Variants in PTPN21 observed in about 807,000 individuals in gnomAD.
PTPN21 encodes tyrosine-protein phosphatase non-receptor type 21.
Under a neutral mutation model 131.8 loss-of-function variants are expected in PTPN21, and 77 were observed. The observed-to-expected ratio is 0.58, with a 90% confidence interval of 0.49 to 0.71. PTPN21 has a LOEUF of 0.71. Among genes scored for constraint, PTPN21 ranks in the 30% least tolerant of loss-of-function variants. The pLI, the probability that PTPN21 is intolerant of heterozygous loss-of-function variation, is 0.00. For missense variants in PTPN21, 1,552 were observed against 1,527.1 expected, an observed-to-expected ratio of 1.02 and a Z score of -0.27; for synonymous variants, 715 against 621.3, an observed-to-expected ratio of 1.15 and a Z score of -2.24.
intron 13 of PTPN21, among the ~76,000 whole-genome samples, chr14:88,477,267 T>A (rs936958790): frequency 2.6e-5 from 4 of 151,840 alleles, no homozygotes; most frequent in African/African-American, 7.2e-5. Flanking sequence ...CCAAAACTTA[T>A]TAAAAGAAAG....
Position 88,549,395 on chromosome 14 carries a change from G to A in PTPN21, c.180+843C>T, listed in dbSNP as rs116414821. ...ACATTTGATTCTGGATTACCTTAGA[G>A]GGGGAATATAAACATATTCAAAATA... On this transcript the variant is annotated intron_variant, in intron 2 of 18. Coordinates refer to ENST00000556564, the MANE Select transcript of PTPN21 (RefSeq NM_007039.4). Among the ~76,000 whole-genome samples the A allele has an allele frequency of 5.3e-3, 801 of 152,234 alleles. 5 individuals are homozygous for A. The highest frequency in any genetic ancestry group is 0.019 in the African/African-American group (778 of 41,526).
chr14:88,510,026 A>T (rs1045740646), intron 3 of PTPN21, among the ~76,000 whole-genome samples: 2 of 152,168 alleles, frequency 1.3e-5, no homozygotes, highest in East Asian at 1.9e-4. Flanking sequence ...TCACAGAGAG[A>T]GTCTGTCTCA....
At chr14:88,491,797 T>C (rs1036165393) in intron 10 of PTPN21, among the ~76,000 whole-genome samples, 3 of 152,162 alleles carry the variant, frequency 2.0e-5, no homozygotes, top group African/African-American at 7.2e-5. Flanking sequence ...GAAAGCAAAC[T>C]TTGGAAAACA....
chr14:88,481,646 C>T (rs1450556831), intron 12 of PTPN21, among the ~76,000 whole-genome samples: 1 of 152,130 alleles, frequency 6.6e-6, no homozygotes, highest in African/African-American at 2.4e-5. Context: ...TGAAGGGTTA[C>T]AGGAGTCCAG....
intron 2 of PTPN21, among the ~76,000 whole-genome samples, chr14:88,532,996 T>C (rs546013704): frequency 6.6e-6 from 1 of 152,366 alleles, no homozygotes; most frequent in East Asian, 1.9e-4. Context: ...CCAAATAGTT[T>C]GGACAAAGGA....
chr14:88,544,431 A>G (rs994219560), intron 2 of PTPN21, among the ~76,000 whole-genome samples: 10 of 152,170 alleles, frequency 6.6e-5, no homozygotes, highest in African/African-American at 1.7e-4. Flanking sequence ...TAATAACAAT[A>G]ACATAACATC....
intron 12 of PTPN21, 72 bp from the exon 13 acceptor site, chr14:88,480,424 C>T: frequency 1.7e-6 from 2 of 1,185,762 alleles, no homozygotes; most frequent in Non-Finnish European, 2.4e-6. Context: ...TGAGATCGGC[C>T]CTTACCTCTG....
intron 3 of PTPN21, among the ~76,000 whole-genome samples, chr14:88,512,990 T>C (rs2078208810): frequency 6.6e-6 from 1 of 152,192 alleles, no homozygotes; most frequent in Non-Finnish European, 1.5e-5. Context: ...CTGATGATTG[T>C]TACCTCTTTA....
chr14:88,469,493 A>T lies in PTPN21; in HGVS notation c.3235+6T>A. Reference sequence around the variant, plus strand: ...CTGTCCTCGGAACAAAGTTAAAGTCACTCACATAAAAATCCCTTGAGGTCT... The same window carrying T: ...CTGTCCTCGGAACAAAGTTAAAGTCTCTCACATAAAAATCCCTTGAGGTCT... On this transcript the variant is annotated splice_donor_region_variant and intron_variant, in intron 17 of 18. Coordinates refer to ENST00000556564, the MANE Select transcript of PTPN21 (RefSeq NM_007039.4). This position sits in a 1 kb window ranked among gnomAD's most constrained non-coding sequence, Gnocchi z 4.3. The T allele has an allele frequency of 1.9e-6, 3 of 1,601,914 alleles. No homozygotes were observed. The highest frequency in any genetic ancestry group is 2.6e-6 in the Non-Finnish European group (3 of 1,168,974).
chr14:88,505,616 TATG>T (rs1314446130), intron 4 of PTPN21, among the ~76,000 whole-genome samples: 5 of 152,210 alleles, frequency 3.3e-5, no homozygotes, highest in African/African-American at 9.6e-5. Context: ...CTCTATGTAA[TATG>T]ATCTCATTTT....
intron 8 of PTPN21, among the ~76,000 whole-genome samples, chr14:88,498,290 C>T (rs1011620802): frequency 6.9e-6 from 1 of 145,944 alleles, no homozygotes; most frequent in South Asian, 2.1e-4. Context: ...AAAACCAAAA[C>T]AGAAAAAAGA....
intron 10 of PTPN21, among the ~76,000 whole-genome samples, chr14:88,489,152 T>A (rs887554298): frequency 2.0e-5 from 3 of 152,168 alleles, no homozygotes; most frequent in African/African-American, 7.2e-5. Context: ...AGGCAAGATG[T>A]GGTATCCCTG....
At chr14:88,530,343 C>T (rs1382365718) in intron 2 of PTPN21, among the ~76,000 whole-genome samples, 1 of 152,120 alleles carries the variant, frequency 6.6e-6, no homozygotes, top group Non-Finnish European at 1.5e-5. Context: ...ATAAATCTCA[C>T]AGGGCCTATA....
In PTPN21 at chr14:88,493,419, G is replaced by A. The variant is rs1281916429; in HGVS notation, c.932+2994C>T. Among the ~76,000 whole-genome samples the A allele has an allele frequency of 3.3e-5, 5 of 152,160 alleles. No individual in the cohort carries two copies. In the East Asian group the frequency reaches 9.6e-4, roughly 29 times the overall value. On this transcript the variant is annotated intron_variant, in intron 10 of 18. Transcript: ENST00000556564. ...GCATTTTAGCAAAGGCCTGGGCTGGGGGCATTCACATGATAAGGAAAGATG... is the reference window on the plus strand; with the variant it reads ...GCATTTTAGCAAAGGCCTGGGCTGGAGGCATTCACATGATAAGGAAAGATG...
At chr14:88,541,492 A>T (rs1035205195) in intron 2 of PTPN21, among the ~76,000 whole-genome samples, 1 of 152,250 alleles carries the variant, frequency 6.6e-6, no homozygotes, top group African/African-American at 2.4e-5. Flanking sequence ...TGGGAACTTG[A>T]TTAATGTATA....
chr14:88,554,324 T>C (rs2078898369), intron 1 of PTPN21, among the ~76,000 whole-genome samples: 1 of 152,220 alleles, frequency 6.6e-6, no homozygotes, highest in Admixed American at 6.5e-5. Flanking sequence ...CAAAGTTATC[T>C]GGCGAATTTC....
intron 2 of PTPN21, among the ~76,000 whole-genome samples, chr14:88,545,946 C>G (rs2078771472): frequency 6.8e-6 from 1 of 146,656 alleles, no homozygotes; most frequent in South Asian, 2.1e-4. Context: ...GAGCCGAGAT[C>G]GCGCCACTGC....
chr14:88,519,509 A>T (rs1032558719), intron 2 of PTPN21, among the ~76,000 whole-genome samples: 2 of 152,246 alleles, frequency 1.3e-5, no homozygotes, highest in Non-Finnish European at 2.9e-5. Flanking sequence ...GATTTAAAGC[A>T]ACAAGAAAAC....
At position 88,479,621 on chromosome 14, in the gene PTPN21, G is replaced by A. The variant is rs780433222; in HGVS notation, c.1810C>T (p.Gln604Ter). 1.3e-6 allele frequency: 2 copies of A among 1,575,612 alleles called. No homozygotes were observed. Among genetic ancestry groups the A allele is most frequent in the South Asian group, 1.1e-5 (1 of 87,936 alleles). ...GGCAGGCTGTCCTCCTGGAACGTTT[G>A]CACCGAGTGGTGCACGCGCCGCGTG... ...LITRRVHHSV[Q>*]TFQEDSLPVA... The change falls in exon 13 of 19, where the codon CAA (glutamine) becomes TAA (stop). Residue 604 changes from glutamine (Q) to a stop codon, truncating the protein, a stop_gained. Coordinates refer to ENST00000556564, the MANE Select transcript of PTPN21 (RefSeq NM_007039.4). LOFTEE classifies it high-confidence loss of function.
Sources: gnomAD v4.1 joint callset for allele counts (sites outside exome capture counted in the v4.1 genomes callset) on GRCh38, gnomAD v4.1.1 for gene constraint, Gnocchi (gnomAD v3.1) non-coding constraint, MANE v1.5 for transcripts, NCBI Gene and HGNC (gene_info 2026-07-23, HGNC 2026-07-21) for gene names.